VEGFC: variants seen among roughly 807,000 people sequenced by gnomAD.
VEGFC encodes the protein FLT4 ligand DHM.
In VEGFC, 12 loss-of-function variants were observed where a neutral mutation model predicts 46.1. The ratio of observed to expected loss-of-function variants is 0.26; its 90% confidence interval spans 0.17 to 0.42. The LOEUF is 0.42. Ranked by LOEUF, VEGFC falls within the 10% of genes least tolerant of loss-of-function variation. The pLI is 1.00. For missense variants in VEGFC, 488 were observed against 529.4 expected (o/e 0.92, Z 0.77); for synonymous variants, 232 against 195.5 (o/e 1.19, Z -1.56).
intron 1 of VEGFC, among the ~76,000 whole-genome samples, chr4:176,762,328 A>G (rs1364941995): frequency 6.6e-6 from 1 of 152,146 alleles, no homozygotes; most frequent in Non-Finnish European, 1.5e-5. Flanking sequence ...CCTTTACAAA[A>G]GGGCTTTCAT....
At chr4:176,784,505 T>C (rs1341177479) in intron 1 of VEGFC, among the ~76,000 whole-genome samples, 2 of 151,612 alleles carry the variant, frequency 1.3e-5, no homozygotes, top group Non-Finnish European at 2.9e-5. Context: ...CCCAGCACTT[T>C]GGGAGGCCGA....
Position 176,683,902 on chromosome 4 carries a change from G to T in VEGFC, c.*24C>A. 1 of 1,577,328 alleles carries T rather than the reference G, an allele frequency of 6.3e-7. No individual in the cohort carries two copies. Among genetic ancestry groups the T allele is most frequent in the South Asian group, 1.1e-5 (1 of 90,230 alleles). On this transcript the variant is annotated 3_prime_UTR_variant, in exon 7 of 7. Coordinates refer to ENST00000618562, the MANE Select transcript of VEGFC (RefSeq NM_005429.5). ...ACACAGTTTTCCATAATAGAAAATC[G>T]ATGAACTGGAAAACAGTACAATCTT...
At chr4:176,720,082 C>T (rs570198090) in intron 3 of VEGFC, among the ~76,000 whole-genome samples, 10 of 151,976 alleles carry the variant, frequency 6.6e-5, no homozygotes, top group African/African-American at 2.4e-4. Context: ...ATTCCTTATA[C>T]TATAAACAAA....
Position 176,697,357 on chromosome 4 carries a change from T to C in VEGFC, c.705-9430A>G, listed in dbSNP as rs1734336289. 3.3e-5 allele frequency among the ~76,000 whole-genome samples: 5 copies of C among 151,754 alleles called. No individual in the cohort carries two copies. In the South Asian group the frequency reaches 1.0e-3, roughly 32 times the overall value. The stretch of plus-strand genomic sequence containing the variant: ...ACAGACACTTCTCAAAAGAAGACAT[T>C]TATGCAGCCAAAAAACACATGAAAA... On this transcript the variant is annotated intron_variant, in intron 4 of 6. Coordinates refer to ENST00000618562, the MANE Select transcript of VEGFC (RefSeq NM_005429.5).
At chr4:176,713,942 A>T (rs528463101) in intron 3 of VEGFC, among the ~76,000 whole-genome samples, 1 of 152,252 alleles carries the variant, frequency 6.6e-6, no homozygotes, top group East Asian at 1.9e-4. Context: ...CCAGCACCCG[A>T]TGTGGTTCCA....
intron 3 of VEGFC, among the ~76,000 whole-genome samples, chr4:176,721,488 G>A (rs2111009251): frequency 6.6e-6 from 1 of 152,316 alleles, no homozygotes; most frequent in South Asian, 2.1e-4. Flanking sequence ...AATGGAGGTA[G>A]GAGACCAGTT....
intron 6 of VEGFC, 66 bp from the exon 7 acceptor site, chr4:176,684,106 G>A: frequency 3.5e-6 from 4 of 1,143,988 alleles, no homozygotes; most frequent in South Asian, 1.3e-5. Context: ...ATGCTACCAA[G>A]GTATTTCTGT....
intron 4 of VEGFC, among the ~76,000 whole-genome samples, chr4:176,703,857 C>T (rs1272262384): frequency 6.6e-6 from 1 of 152,044 alleles, no homozygotes; most frequent in Non-Finnish European, 1.5e-5. Context: ...TGCTACTTTT[C>T]TAGTTGTGTG....
Position 176,687,476 on chromosome 4 carries a change from G to C in VEGFC, c.856C>G (p.Leu286Val). ...ACACACTGACAGGTCTCTTCATCCA[G>C]CTCCTTGTTTGGTCCACAGATGTCA... is the stretch of plus-strand genomic sequence containing the variant. ...FHDICGPNKE[L>V]DEETCQCVCR... is the part of the protein sequence containing the mutation. Residue 286 changes from leucine to valine, a missense_variant, in exon 6 of 7, where the codon CTG becomes GTG. Coordinates refer to ENST00000618562, the MANE Select transcript of VEGFC (RefSeq NM_005429.5). The C allele has an allele frequency of 6.2e-7, 1 of 1,613,098 alleles. No individual in the cohort carries two copies. Among genetic ancestry groups the C allele is most frequent in the South Asian group, 1.1e-5 (1 of 91,046 alleles).
At chr4:176,701,329 GT>G (rs1348789575) in intron 4 of VEGFC, among the ~76,000 whole-genome samples, 1 of 152,186 alleles carries the variant, frequency 6.6e-6, no homozygotes, top group Non-Finnish European at 1.5e-5. Context: ...TTGTCCATGT[GT>G]TTGGTTGAAT....
At chr4:176,716,584 GAA>G (rs57274087) in intron 3 of VEGFC, among the ~76,000 whole-genome samples, 2 of 43,760 alleles carry the variant, frequency 4.6e-5, no homozygotes, top group African/African-American at 9.9e-5. Flanking sequence ...CTCCCTCTCC[GAA>G]AAAAAAAAAA....
rs181145988 is a variant in VEGFC at position 176,737,207 on chromosome 4, T to G, written c.148-7461A>C. ...AGTTCATTGAAGGAGGGAATTATAT[T>G]ATAAAGTTTGTTGAAAAATATTCTA... On this transcript the variant is annotated intron_variant, in intron 1 of 6. Coordinates refer to ENST00000618562, the MANE Select transcript of VEGFC (RefSeq NM_005429.5). 2.4e-3 allele frequency among the ~76,000 whole-genome samples: 360 copies of G among 148,894 alleles called. 2 individuals are homozygous for G. Among genetic ancestry groups the G allele is most frequent in the African/African-American group, 8.4e-3 (345 of 41,104 alleles).
Position 176,762,095 on chromosome 4 carries a change from G to A in VEGFC, c.147+30070C>T, listed in dbSNP as rs1317602089. Among the ~76,000 whole-genome samples, 2 of 152,222 alleles carry A rather than the reference G, an allele frequency of 1.3e-5. 1 individual carries two copies. Among genetic ancestry groups the A allele is most frequent in the South Asian group, 4.1e-4 (2 of 4,834 alleles). ...CACAGCGGATACTATGGTAGCTGAT[G>A]TCAGATGTAGGCTCAGAACATGAGG... On this transcript the variant is annotated intron_variant, in intron 1 of 6. Transcript: ENST00000618562.
chr4:176,760,937 CA>C (rs1289118882), intron 1 of VEGFC, among the ~76,000 whole-genome samples: 14 of 152,142 alleles, frequency 9.2e-5, no homozygotes, highest in African/African-American at 3.4e-4. Context: ...ATGGCAAAAT[CA>C]TACATAGGTA....
At position 176,740,064 on chromosome 4, in the gene VEGFC, TA is replaced by T. The variant is rs1341376750; in HGVS notation, c.148-10319del. Among the ~76,000 whole-genome samples, 38 of 118,390 alleles carry T rather than the reference TA, an allele frequency of 3.2e-4. 2 individuals carry two copies. Among genetic ancestry groups the T allele is most frequent in the African/African-American group, 1.2e-3 (38 of 32,022 alleles). 77.7% of individuals were successfully genotyped at this position (118,390 alleles called of 152,430 possible). A position where few individuals can be genotyped will look rare whatever the true frequency, so the allele number is the denominator to read the frequency against. On this transcript the variant is annotated intron_variant, in intron 1 of 6. Transcript: ENST00000618562. ...ATAACTATTCGATATATAGAATATA[TA>T]TAACTATATATTATATATTCTATAT...
intron 4 of VEGFC, among the ~76,000 whole-genome samples, chr4:176,710,818 C>T (rs1254832851): frequency 3.9e-5 from 6 of 151,982 alleles, no homozygotes; most frequent in African/African-American, 2.4e-5. Flanking sequence ...TACAGGAGAA[C>T]GTGATAAGTT....
At chr4:176,692,165 C>T (rs555425064) in intron 4 of VEGFC, among the ~76,000 whole-genome samples, 169 of 151,808 alleles carry the variant, frequency 1.1e-3, no homozygotes, top group Non-Finnish European at 1.9e-3. Flanking sequence ...GAGGCCGAGG[C>T]GGGCGGATCA....
chr4:176,752,306 T>C (rs562768331), intron 1 of VEGFC, among the ~76,000 whole-genome samples: 9 of 152,052 alleles, frequency 5.9e-5, no homozygotes, highest in African/African-American at 2.2e-4. Context: ...ATATGGAAAA[T>C]AAAGGCCTCA....
chr4:176,750,692 T>A (rs1735328071), intron 1 of VEGFC, among the ~76,000 whole-genome samples: 1 of 151,814 alleles, frequency 6.6e-6, no homozygotes, highest in Admixed American at 6.6e-5. Flanking sequence ...TAAAATCCTG[T>A]CTGGATTGAC....
Sources: allele counts gnomAD v4.1 joint callset (sites outside exome capture counted in the v4.1 genomes callset), GRCh38; gene constraint gnomAD v4.1.1; transcripts MANE v1.5; gene names NCBI Gene and HGNC (gene_info 2026-07-23, HGNC 2026-07-21).